Variants in UMAD1 observed in about 807,000 individuals in gnomAD.
UMAD1 encodes the protein UBAP1-MVB12-associated (UMA)-domain containing protein 1.
Under a neutral mutation model 6.1 loss-of-function variants are expected in UMAD1, and 8 were observed. That is an observed-to-expected ratio of 1.30 (90% confidence interval 0.76 to 2.35). The LOEUF (loss-of-function observed/expected upper bound fraction) is 2.35. UMAD1 is among the 30% of genes most tolerant of loss of function. The pLI is 0.00. For synonymous variants in UMAD1, 56 were observed against 31.4 expected (o/e 1.78, Z -2.61); for missense variants, 130 against 78.4 (o/e 1.66, Z -2.49).
chr7:7,753,601 G>A (rs952242169), intron 2 of UMAD1, among the ~76,000 whole-genome samples: 34 of 152,204 alleles, frequency 2.2e-4, no homozygotes, highest in African/African-American at 8.2e-4. Flanking sequence ...AAATAACTGG[G>A]TGTCATTCTT....
chr7:7,698,647 G>A (rs993777492), intron 2 of UMAD1, among the ~76,000 whole-genome samples: 3 of 151,966 alleles, frequency 2.0e-5, no homozygotes, highest in Non-Finnish European at 2.9e-5. Flanking sequence ...TTGTAATGTG[G>A]GTGCTACAGC....
At chr7:7,856,173 A>G (rs539712730) in intron 3 of UMAD1, among the ~76,000 whole-genome samples, 1 of 152,336 alleles carries the variant, frequency 6.6e-6, no homozygotes, top group Admixed American at 6.5e-5. Context: ...TTGCTTCCAC[A>G]TTATCAGGTA....
At chr7:7,798,167 A>G (rs746093094) in intron 2 of UMAD1, among the ~76,000 whole-genome samples, 9 of 152,200 alleles carry the variant, frequency 5.9e-5, no homozygotes, top group Non-Finnish European at 1.2e-4. Flanking sequence ...TGAAGTTGTG[A>G]CAGAGACCTT....
At chr7:7,770,202 G>T (rs1782072381) in intron 2 of UMAD1, among the ~76,000 whole-genome samples, 1 of 151,924 alleles carries the variant, frequency 6.6e-6, no homozygotes, top group African/African-American at 2.4e-5. Context: ...CCCTCGGCTT[G>T]CCTCCCCTCC....
intron 3 of UMAD1, among the ~76,000 whole-genome samples, chr7:7,827,890 G>A (rs964353889): frequency 2.6e-5 from 4 of 152,142 alleles, no homozygotes; most frequent in Non-Finnish European, 5.9e-5. Flanking sequence ...ATATAAATAT[G>A]TTTAACCCCT....
chr7:7,642,652 A>T (rs1231952510), intron 1 of UMAD1, among the ~76,000 whole-genome samples: 5 of 152,218 alleles, frequency 3.3e-5, no homozygotes, highest in Non-Finnish European at 5.9e-5. Flanking sequence ...AAAATACATG[A>T]TGTACAGAAA....
intron 3 of UMAD1, among the ~76,000 whole-genome samples, chr7:7,869,613 C>T (rs1428585641): frequency 7.2e-5 from 11 of 152,060 alleles, no homozygotes; most frequent in Admixed American, 6.6e-4. Context: ...GCATAGGTTG[C>T]AGAAAAAAGC....
rs1478325490 is a variant in UMAD1 at position 7,877,715 on chromosome 7, T to C, written c.*177T>C. ...AGAAAAAGGTACATTTGTATACAAA[T>C]TGAACTTAAGTTCTACTTCCTTTCT... is the stretch of plus-strand genomic sequence containing the variant. On this transcript the variant is annotated 3_prime_UTR_variant, in exon 4 of 4. Transcript: ENST00000682710. 1 of 566,436 alleles carries C rather than the reference T, an allele frequency of 1.8e-6. No individual in the cohort carries two copies. Among genetic ancestry groups the C allele is most frequent in the Non-Finnish European group, 3.1e-6 (1 of 319,178 alleles). The allele number at this position is 566,436 out of a possible 1,614,324, so 35.1% of individuals were successfully genotyped here.
intron 3 of UMAD1, among the ~76,000 whole-genome samples, chr7:7,823,654 GCTTT>G (rs1395668355): frequency 1.3e-5 from 2 of 151,966 alleles, no homozygotes; most frequent in Admixed American, 6.6e-5. Context: ...AAGAGAAAAT[GCTTT>G]CTTTTTTATT....
chr7:7,671,119 T>A (rs1779594962), intron 1 of UMAD1, among the ~76,000 whole-genome samples: 2 of 152,222 alleles, frequency 1.3e-5, no homozygotes, highest in South Asian at 4.1e-4. Context: ...ATAATCATAT[T>A]ACTCTTTGAA....
intron 2 of UMAD1, among the ~76,000 whole-genome samples, chr7:7,741,614 T>TAATAAA (rs1563169873): frequency 6.8e-6 from 1 of 147,126 alleles, no homozygotes; most frequent in South Asian, 2.1e-4. Flanking sequence ...ATAATAATAA[T>TAATAAA]AAAAATAATA....
chr7:7,777,517 A>AAAG (rs1554327156), intron 2 of UMAD1, among the ~76,000 whole-genome samples: 1,789 of 123,858 alleles, frequency 0.014, 81 homozygotes, highest in African/African-American at 0.049. Context: ...AAAAAAAAAA[A>AAAG]AAAAAAGAAA....
chr7:7,758,431 A>G (rs2115228040), intron 2 of UMAD1, among the ~76,000 whole-genome samples: 1 of 152,222 alleles, frequency 6.6e-6, no homozygotes, highest in African/African-American at 2.4e-5. Context: ...ATTTTTTTAT[A>G]TAATAATTAA....
chr7:7,845,379 C>T (rs1470729187), intron 3 of UMAD1, among the ~76,000 whole-genome samples: 2 of 152,034 alleles, frequency 1.3e-5, no homozygotes, highest in African/African-American at 4.8e-5. Flanking sequence ...TCTTCTAACC[C>T]TGTCATTTTA....
At chr7:7,736,052 T>G (rs1289178508) in intron 2 of UMAD1, 1 of 152,298 alleles carries the variant, frequency 6.6e-6, no homozygotes, top group East Asian at 1.9e-4. Context: ...AGATGTCTTT[T>G]GAATGTTGCA....
intron 3 of UMAD1, among the ~76,000 whole-genome samples, chr7:7,849,167 CA>C (rs1185345658): frequency 6.6e-6 from 1 of 152,132 alleles, no homozygotes; most frequent in Non-Finnish European, 1.5e-5. Flanking sequence ...TCTTTGCCAA[CA>C]TTATCTCATT....
chr7:7,870,995 A>G (rs887308270), intron 3 of UMAD1, among the ~76,000 whole-genome samples: 1 of 152,196 alleles, frequency 6.6e-6, no homozygotes, highest in Non-Finnish European at 1.5e-5. Context: ...AAAGAATACT[A>G]TAGTGCATTC....
chr7:7,667,951 A>G (rs1179854644), intron 1 of UMAD1, among the ~76,000 whole-genome samples: 1 of 152,110 alleles, frequency 6.6e-6, no homozygotes, highest in East Asian at 1.9e-4. Context: ...CATTTAACAC[A>G]GGGTCTTGCT....
chr7:7,730,918 A>G (rs916750197), intron 2 of UMAD1, among the ~76,000 whole-genome samples: 2 of 152,178 alleles, frequency 1.3e-5, no homozygotes, highest in Non-Finnish European at 2.9e-5. Context: ...TGTATATTAC[A>G]CTAAAGTTGT....
Sources: allele counts gnomAD v4.1 joint callset (sites outside exome capture counted in the v4.1 genomes callset), GRCh38; gene constraint gnomAD v4.1.1; transcripts MANE v1.5; gene names NCBI Gene and HGNC (gene_info 2026-07-23, HGNC 2026-07-21).